SLC8A3: variants seen among roughly 807,000 people sequenced by gnomAD.
SLC8A3 encodes the protein sodium/calcium exchanger 3.
SLC8A3 carries 37 observed loss-of-function variants against 65.4 expected under a neutral mutation model. The ratio of observed to expected loss-of-function variants is 0.57; its 90% CI spans 0.44 to 0.74. The LOEUF (loss-of-function observed/expected upper bound fraction) is 0.74. Among genes scored for constraint, SLC8A3 ranks in the 30% least tolerant of loss-of-function variants. The pLI is 0.00. For missense variants in SLC8A3, 1,112 were observed against 1,172.1 expected (o/e 0.95, Z 0.75); for synonymous variants, 461 against 444.5 (o/e 1.04, Z -0.47).
intron 1 of SLC8A3, among the ~76,000 whole-genome samples, chr14:70,169,849 C>T (rs1181178389): frequency 6.6e-6 from 1 of 152,086 alleles, no homozygotes; most frequent in African/African-American, 2.4e-5. Context: ...CAGAAAATAG[C>T]ATCTTCAGCC....
chr14:70,061,738 T>G (rs537536664), intron 2 of SLC8A3, among the ~76,000 whole-genome samples: 2 of 152,272 alleles, frequency 1.3e-5, no homozygotes, highest in Non-Finnish European at 2.9e-5. Flanking sequence ...GTGAAGAAAA[T>G]GATGTAAATC....
At chr14:70,050,022 G>A (rs1376347990) in intron 5 of SLC8A3, among the ~76,000 whole-genome samples, 1 of 152,222 alleles carries the variant, frequency 6.6e-6, no homozygotes, top group Non-Finnish European at 1.5e-5. Flanking sequence ...TAGAAGCTGG[G>A]GTTTGAAAGA....
rs981587215 is a variant in SLC8A3, at chr14:70,046,943, A to T, written c.2390-620T>A. ...CTTTAGATCTTGGCACAGATTGTAG[A>T]TACAGGGAGGACTGTCAGAGACATC... On this transcript the variant is annotated intron_variant, in intron 6 of 6. Coordinates refer to ENST00000356921, the MANE Select transcript of SLC8A3 (RefSeq NM_182932.3). The surrounding 1 kb of genome is among the most constrained non-coding windows in gnomAD (Gnocchi z 4.2). 1 of 152,288 alleles carries T rather than the reference A, an allele frequency of 6.6e-6. No individual in the cohort carries two copies. The highest frequency in any genetic ancestry group is 1.5e-5 in the Non-Finnish European group (1 of 68,116). The allele number at this position is 152,288 out of a possible 1,614,324, so 9.4% of individuals were successfully genotyped here.
rs2140379105 is a variant in SLC8A3, at chr14:70,168,351, G to A, written c.72C>T (p.Phe24=). 6.2e-7 allele frequency: 1 copy of A among 1,614,158 alleles called. No homozygotes were observed. The highest frequency in any genetic ancestry group is 8.5e-7 in the Non-Finnish European group (1 of 1,180,030). ...LHFGLVTFVL[F]LNGLRAEAGG... ...CAGCCTCTGCTCGAAGACCATTCAG[G>A]AAGAGCACAAAGGTAACCAGCCCAA... Residue 24 remains phenylalanine, a synonymous_variant, in exon 2 of 7, where the codon TTC becomes TTT. Transcript: ENST00000356921.
intron 2 of SLC8A3, among the ~76,000 whole-genome samples, chr14:70,072,527 C>A (rs1226121361): frequency 1.3e-5 from 2 of 152,064 alleles, no homozygotes; most frequent in East Asian, 3.9e-4. Flanking sequence ...TCCTTTCTTA[C>A]AGAATAAAGA....
intron 2 of SLC8A3, among the ~76,000 whole-genome samples, chr14:70,072,913 G>A (rs560566449): frequency 2.0e-5 from 3 of 152,320 alleles, no homozygotes; most frequent in East Asian, 3.9e-4. Context: ...CTCCCAAAGT[G>A]CTGGGATTAC....
At chr14:70,149,010 T>C (rs1896102985) in intron 2 of SLC8A3, among the ~76,000 whole-genome samples, 1 of 152,174 alleles carries the variant, frequency 6.6e-6, no homozygotes. Context: ...TTGGATTTAG[T>C]GACAAGCTGT....
chr14:70,122,164 C>T (rs527325171), intron 2 of SLC8A3, among the ~76,000 whole-genome samples: 33 of 152,218 alleles, frequency 2.2e-4, no homozygotes, highest in Non-Finnish European at 4.3e-4. Flanking sequence ...GGACGAGGGG[C>T]GGTATGTGAT....
At chr14:70,118,765 G>A (rs1223258538) in intron 2 of SLC8A3, among the ~76,000 whole-genome samples, 1 of 152,134 alleles carries the variant, frequency 6.6e-6, no homozygotes, top group East Asian at 1.9e-4. Context: ...AACCTGAAAT[G>A]GAGTTTGGGA....
At chr14:70,126,796 CT>C in intron 2 of SLC8A3, among the ~76,000 whole-genome samples, 1 of 151,924 alleles carries the variant, frequency 6.6e-6, no homozygotes, top group Non-Finnish European at 1.5e-5. Flanking sequence ...AAATTGGAAC[CT>C]TTTTGAGTGC....
intron 2 of SLC8A3, among the ~76,000 whole-genome samples, chr14:70,140,513 G>C (rs1895494884): frequency 6.6e-6 from 1 of 152,146 alleles, no homozygotes; most frequent in Non-Finnish European, 1.5e-5. Flanking sequence ...GATATACTAG[G>C]AGGGACTTAG....
chr14:70,112,037 T>C (rs769885681), intron 2 of SLC8A3, among the ~76,000 whole-genome samples: 2 of 152,214 alleles, frequency 1.3e-5, no homozygotes, highest in Non-Finnish European at 2.9e-5. Flanking sequence ...TTTCTCTTTT[T>C]AGTAGGGTAG....
intron 2 of SLC8A3, among the ~76,000 whole-genome samples, chr14:70,148,740 C>A (rs967883578): frequency 1.3e-5 from 2 of 152,154 alleles, no homozygotes; most frequent in African/African-American, 4.8e-5. Flanking sequence ...ACGATTCAAC[C>A]AGCTATGTGC....
At position 70,168,235 on chromosome 14, in the gene SLC8A3, C is replaced by T; in HGVS notation, c.188G>A (p.Trp63Ter). 5.0e-6 allele frequency: 8 copies of T among 1,614,120 alleles called. No individual in the cohort carries two copies. Among genetic ancestry groups the T allele is most frequent in the Non-Finnish European group, 6.8e-6 (8 of 1,180,006 alleles). ...DCKEGVILPIWYPENPSLGDK... is the reference protein window; with the variant it reads ...DCKEGVILPI The stretch of plus-strand genomic sequence containing the variant: ...CCCAAGGGAAGGGTTCTCCGGGTAC[C>T]AGATTGGCAGGATGACACCCTCCTT... The change falls in exon 2 of 7, where the codon TGG becomes TAG. Residue 63 changes from tryptophan (W) to a stop codon, truncating the protein, a stop_gained. Transcript: ENST00000356921. LOFTEE classifies it high-confidence loss of function.
chr14:70,052,602 GT>G (rs11342273), intron 3 of SLC8A3, among the ~76,000 whole-genome samples: 88,037 of 152,058 alleles, frequency 0.58, 27,786 homozygotes, highest in African/African-American at 0.86. Context: ...ATGTTGAACA[GT>G]TTTTTTGTTT....
At position 70,161,364 on chromosome 14, in the gene SLC8A3, A is replaced by G. The variant is rs534138877; in HGVS notation, c.1784+5275T>C. On this transcript the variant is annotated intron_variant, in intron 2 of 6. Transcript: ENST00000356921. The stretch of plus-strand genomic sequence containing the variant: ...TTCCTTTGGGCCTGGAAAGTGGGCA[A>G]TTGTGGTTGAACAATCCTACTGGAA... Among the ~76,000 whole-genome samples the G allele has an allele frequency of 5.5e-4, 82 of 150,014 alleles. 1 individual carries two copies. The highest frequency in any genetic ancestry group is 9.5e-4 in the Non-Finnish European group (64 of 67,560).
chr14:70,183,973 C>T (rs1345362235), intron 1 of SLC8A3, among the ~76,000 whole-genome samples: 3 of 152,236 alleles, frequency 2.0e-5, no homozygotes, highest in Non-Finnish European at 4.4e-5. Context: ...TGTCTCCTTG[C>T]AGTCAGCTCT....
At chr14:70,124,225 C>G (rs1894282572) in intron 2 of SLC8A3, among the ~76,000 whole-genome samples, 1 of 152,156 alleles carries the variant, frequency 6.6e-6, no homozygotes, top group Admixed American at 6.5e-5. Flanking sequence ...CACTTCAGAA[C>G]AGGTTTCTCC....
chr14:70,130,001 T>C (rs1002834013), intron 2 of SLC8A3, among the ~76,000 whole-genome samples: 1 of 152,226 alleles, frequency 6.6e-6, no homozygotes, highest in South Asian at 2.1e-4. Context: ...ATTTCTTCCA[T>C]AGTCACCAGC....
Sources: allele counts gnomAD v4.1 joint callset (sites outside exome capture counted in the v4.1 genomes callset), GRCh38; gene constraint gnomAD v4.1.1; non-coding constraint Gnocchi (gnomAD v3.1); transcripts MANE v1.5; gene names NCBI Gene and HGNC (gene_info 2026-07-23, HGNC 2026-07-21).